The following RFX2 variants were observed in gnomAD, a reference collection of about 807,000 sequenced individuals.
The protein encoded by RFX2 is regulatory factor X2.
RFX2 carries 20 observed loss-of-function variants against 87.8 expected under a neutral mutation model. The observed-to-expected ratio is 0.23, with a 90% CI of 0.16 to 0.33. The LOEUF is 0.33. Ranked by LOEUF, RFX2 falls within the 10% of genes least tolerant of loss-of-function variation. RFX2 has a pLI of 1.00. For synonymous variants in RFX2, 397 were observed against 431.3 expected (o/e 0.92, Z 0.98); for missense variants, 767 against 1,012.3 (o/e 0.76, Z 3.29).
intron 1 of RFX2, chr19:6,072,719 T>C (rs1003374798): frequency 9.4e-6 from 4 of 427,700 alleles, no homozygotes; most frequent in East Asian, 4.9e-5. Flanking sequence ...AAAAGAAACA[T>C]GAAGTCTTCC....
chr19:6,019,509 A>AGTGTGTGTGT (rs1363381067), intron 6 of RFX2, among the ~76,000 whole-genome samples: 6 of 69,908 alleles, frequency 8.6e-5, no homozygotes, highest in African/African-American at 5.1e-4. Flanking sequence ...TTAGTGTGTG[A>AGTGTGTGTGT]GTATGTGTGT....
In RFX2 at chr19:6,026,468, G is replaced by A. The variant is rs565660979; in HGVS notation, c.523-231C>T. 11 of 577,564 alleles carry A rather than the reference G, an allele frequency of 1.9e-5. No individual in the cohort carries two copies. Among genetic ancestry groups the A allele is most frequent in the African/African-American group, 9.4e-5 (5 of 53,380 alleles). 35.8% of individuals were successfully genotyped at this position (577,564 alleles called of 1,614,324 possible). A position where few individuals can be genotyped will look rare whatever the true frequency, so the allele number is the denominator to read the frequency against. ...CACACGTAGGTAAGCCCGAGAGCCCGTCCAACAGAAGCAGCAGAAATCATG... is the reference window on the plus strand; with the variant it reads ...CACACGTAGGTAAGCCCGAGAGCCCATCCAACAGAAGCAGCAGAAATCATG... On this transcript the variant is annotated intron_variant, in intron 5 of 17. Transcript: ENST00000303657. This position sits in a 1 kb window ranked among gnomAD's most constrained non-coding sequence, Gnocchi z 4.5.
intron 1 of RFX2, among the ~76,000 whole-genome samples, chr19:6,062,095 A>G (rs1022354145): frequency 6.6e-6 from 1 of 152,118 alleles, no homozygotes; most frequent in African/African-American, 2.4e-5. Flanking sequence ...CAGGAATTTG[A>G]GGTTGAAGTA....
At chr19:6,077,705 G>A (rs553102527) in intron 1 of RFX2, among the ~76,000 whole-genome samples, 1 of 152,320 alleles carries the variant, frequency 6.6e-6, no homozygotes, top group South Asian at 2.1e-4. Context: ...AAGGCGGCCG[G>A]GCGCGGTGGC....
intron 1 of RFX2, among the ~76,000 whole-genome samples, chr19:6,053,817 G>A (rs2087295279): frequency 6.6e-6 from 1 of 151,972 alleles, no homozygotes; most frequent in Admixed American, 6.5e-5. Context: ...TGAGCCATGT[G>A]TAATGGCGGG....
chr19:6,022,495 C>G lies in RFX2; in HGVS notation c.597+3668G>C, dbSNP rs1568511127. Reference sequence around the variant, plus strand: ...CTCATGGTGACAGAGACTCGGTGAACCTGCTACGGGGTCCCGGTCGGCTGG... The same window carrying G: ...CTCATGGTGACAGAGACTCGGTGAAGCTGCTACGGGGTCCCGGTCGGCTGG... On this transcript the variant is annotated intron_variant, in intron 6 of 17. Coordinates refer to ENST00000303657, the MANE Select transcript of RFX2 (RefSeq NM_000635.4). This position sits in a 1 kb window ranked among gnomAD's most constrained non-coding sequence, Gnocchi z 6.2. 6.6e-6 allele frequency among the ~76,000 whole-genome samples: 1 copy of G among 152,226 alleles called. No individual in the cohort carries two copies. The highest frequency in any genetic ancestry group is 2.1e-4 in the South Asian group (1 of 4,834).
At chr19:6,069,698 C>T (rs1303580361) in intron 1 of RFX2, among the ~76,000 whole-genome samples, 8 of 152,180 alleles carry the variant, frequency 5.3e-5, no homozygotes, top group Admixed American at 5.2e-4. Context: ...AAGTGGAGGT[C>T]ACCAGTGATT....
At position 6,039,847 on chromosome 19, in the gene RFX2, G is replaced by A; in HGVS notation, c.522+133C>T. ...CGTCTGAGGCTGGCCCGACTCCATC[G>A]TGGGGCCGCCTGGGCCCAGAGCAGA... On this transcript the variant is annotated intron_variant, in intron 5 of 17. Coordinates refer to ENST00000303657, the MANE Select transcript of RFX2 (RefSeq NM_000635.4). The surrounding 1 kb of genome is among the most constrained non-coding windows in gnomAD (Gnocchi z 5.2). 3 of 1,117,530 alleles carry A rather than the reference G, an allele frequency of 2.7e-6. No individual in the cohort carries two copies. Among genetic ancestry groups the A allele is most frequent in the South Asian group, 3.7e-5 (2 of 53,638 alleles). The allele number at this position is 1,117,530 out of a possible 1,614,324, so 69.2% of individuals were successfully genotyped here.
In RFX2 at chr19:5,997,208, A is replaced by G. The variant is rs757826142; in HGVS notation, c.1865T>C (p.Met622Thr). The change falls in exon 16 of 18, where the codon ATG (methionine) becomes ACG (threonine). Residue 622 changes from methionine to threonine, a missense_variant. Physicochemically the swap from Met to Thr is moderately conservative, Grantham distance 81. This residue lies in a region of RFX2 where 621 missense variants were observed against 873.0 expected (regional missense o/e 0.71). Coordinates refer to ENST00000303657, the MANE Select transcript of RFX2 (RefSeq NM_000635.4). The surrounding 1 kb of genome is among the most constrained non-coding windows in gnomAD (Gnocchi z 4.2). Reference sequence around the variant, plus strand: ...GCGCAGGGTCAGGTCCCGGATCACCATGGAGCTGGGGACAAGCGGACAGAG... The same window carrying G: ...GCGCAGGGTCAGGTCCCGGATCACCGTGGAGCTGGGGACAAGCGGACAGAG... ...FLLKWSFYSS[M>T]VIRDLTLRSA... is the part of the protein sequence containing the mutation. The G allele has an allele frequency of 3.1e-6, 5 of 1,610,572 alleles. No individual in the cohort carries two copies. The highest frequency in any genetic ancestry group is 4.2e-6 in the Non-Finnish European group (5 of 1,179,686).
At chr19:6,003,777 T>TGG (rs1318446976) in intron 13 of RFX2, among the ~76,000 whole-genome samples, 4 of 32,836 alleles carry the variant, frequency 1.2e-4, no homozygotes, top group Non-Finnish European at 2.0e-4. Context: ...AGACTCTGTC[T>TGG]CAAAAAAAAA....
rs562564788 is a variant in RFX2, at chr19:6,064,601, C to G, written c.-8-17097G>C. 1.2e-4 allele frequency among the ~76,000 whole-genome samples: 18 copies of G among 152,338 alleles called. No homozygotes were observed. Among genetic ancestry groups the G allele is most frequent in the African/African-American group, 4.1e-4 (17 of 41,582 alleles). On this transcript the variant is annotated intron_variant, in intron 1 of 17. Transcript: ENST00000303657. The surrounding 1 kb of genome is among the most constrained non-coding windows in gnomAD (Gnocchi z 4.8). ...CCTGGTGACCTGACCCGGCAGCACG[C>G]CCACTGGGCACCTGTGCCCACCTGG...
chr19:6,043,707 G>C (rs150396281), intron 3 of RFX2, among the ~76,000 whole-genome samples: 1 of 152,364 alleles, frequency 6.6e-6, no homozygotes, highest in East Asian at 1.9e-4. Flanking sequence ...GAAACAGTTT[G>C]CTAACCATGC....
Position 6,011,474 on chromosome 19 carries a change from GC to G in RFX2, c.900-1224del, listed in dbSNP as rs1211688224. On this transcript the variant is annotated intron_variant, in intron 8 of 17. Transcript: ENST00000303657. The surrounding 1 kb of genome is among the most constrained non-coding windows in gnomAD (Gnocchi z 4.8). ...GTGTAAACCACCTGGCTCAGGGCAG[GC>G]CGTGGGCATCACACAGACACAGGCT... is the stretch of plus-strand genomic sequence containing the variant. 3.3e-5 allele frequency among the ~76,000 whole-genome samples: 5 copies of G among 152,234 alleles called. No homozygotes were observed. Among genetic ancestry groups the G allele is most frequent in the South Asian group, 2.1e-4 (1 of 4,832 alleles).
Position 6,040,079 on chromosome 19 carries a change from C to A in RFX2, c.423G>T (p.Gly141=), listed in dbSNP as rs368050299. ...CTCCCGCGCTGGAGACGATGGGGCT[C>A]CCCCCGACATCCATGGTGATGCCCA... The part of the protein sequence containing the change: ...SMVGITMDVG[G]SPIVSSAGAY... Residue 141 remains glycine (G), a synonymous_variant, in exon 5 of 18, where the codon GGG becomes GGT. Coordinates refer to ENST00000303657, the MANE Select transcript of RFX2 (RefSeq NM_000635.4). This position sits in a 1 kb window ranked among gnomAD's most constrained non-coding sequence, Gnocchi z 6.1. The A allele has an allele frequency of 3.1e-6, 5 of 1,611,208 alleles. No homozygotes were observed. Among genetic ancestry groups the A allele is most frequent in the South Asian group, 2.2e-5 (2 of 91,012 alleles).
intron 9 of RFX2, among the ~76,000 whole-genome samples, chr19:6,009,311 C>T (rs2086629952): frequency 6.6e-6 from 1 of 152,190 alleles, no homozygotes; most frequent in Non-Finnish European, 1.5e-5. Flanking sequence ...TCATGACATG[C>T]CAGTGAGCCT....
chr19:6,019,675 C>T (rs2086783090), intron 6 of RFX2, among the ~76,000 whole-genome samples: 1 of 151,262 alleles, frequency 6.6e-6, no homozygotes, highest in African/African-American at 2.4e-5. Context: ...GCTCATGCAG[C>T]CTCCAACTCC....
chr19:6,082,387 G>C (rs1270564469), intron 1 of RFX2, among the ~76,000 whole-genome samples: 1 of 151,876 alleles, frequency 6.6e-6, no homozygotes, highest in Non-Finnish European at 1.5e-5. Flanking sequence ...AATATAGTAA[G>C]AGGAGGGTCC....
At chr19:6,082,716 A>C (rs535844192) in intron 1 of RFX2, among the ~76,000 whole-genome samples, 23 of 152,252 alleles carry the variant, frequency 1.5e-4, no homozygotes, top group African/African-American at 5.3e-4. Context: ...TACAGGTGTT[A>C]GCCACTGGAA....
At chr19:6,109,758 C>A (rs981568722) in intron 1 of RFX2, among the ~76,000 whole-genome samples, 6 of 151,704 alleles carry the variant, frequency 4.0e-5, no homozygotes, top group African/African-American at 1.5e-4. Flanking sequence ...AAAGAGGGGT[C>A]CCCGGGTGTC....
Sources: gnomAD v4.1 joint callset for allele counts (sites outside exome capture counted in the v4.1 genomes callset) on GRCh38, gnomAD v4.1.1 for gene constraint, gnomAD v4.1.1 regional missense constraint, Gnocchi (gnomAD v3.1) non-coding constraint, MANE v1.5 for transcripts, NCBI Gene and HGNC (gene_info 2026-07-23, HGNC 2026-07-21) for gene names.